Variants in GRID2 observed in about 807,000 individuals in gnomAD.
GRID2 encodes glutamate ionotropic receptor delta type subunit 2.
GRID2 carries 33 observed loss-of-function variants against 114.8 expected under a neutral mutation model. The observed-to-expected ratio is 0.29, with a 90% CI of 0.22 to 0.38. GRID2 has a LOEUF of 0.38. Among genes scored for constraint, GRID2 ranks in the 10% least tolerant of loss-of-function variants. The pLI is 1.00. For synonymous variants in GRID2, 505 were observed against 449.9 expected (o/e 1.12, Z -1.55); for missense variants, 1,184 against 1,257.7 (o/e 0.94, Z 0.89).
intron 2 of GRID2, among the ~76,000 whole-genome samples, chr4:92,835,191 TA>T (rs33949803): frequency 0.81 from 119,680 of 146,870 alleles, 48,764 homozygotes; most frequent in Middle Eastern, 0.92. Context: ...CTGAAAGAGG[TA>T]AAAAAAAAAA....
intron 1 of GRID2, among the ~76,000 whole-genome samples, chr4:92,431,346 C>T (rs969627126): frequency 1.1e-4 from 16 of 152,070 alleles, no homozygotes; most frequent in African/African-American, 3.9e-4. Context: ...ACTTTTTAGG[C>T]ATCTATTGAA....
At chr4:93,582,751 G>A (rs562183318) in intron 13 of GRID2, among the ~76,000 whole-genome samples, 18 of 152,054 alleles carry the variant, frequency 1.2e-4, no homozygotes, top group Non-Finnish European at 2.2e-4. Context: ...AAACGGAATT[G>A]TGAGATTATA....
chr4:92,385,978 T>A (rs1176803606), intron 1 of GRID2, among the ~76,000 whole-genome samples: 2 of 149,732 alleles, frequency 1.3e-5, no homozygotes, highest in Non-Finnish European at 3.0e-5. Context: ...GGAAAAAAAA[T>A]ATGCCCTTTG....
At chr4:93,515,952 G>A (rs988666534) in intron 13 of GRID2, among the ~76,000 whole-genome samples, 1 of 151,964 alleles carries the variant, frequency 6.6e-6, no homozygotes, top group Admixed American at 6.6e-5. Context: ...ATATTAAAAA[G>A]GCATAGAAAG....
chr4:92,818,693 G>A (rs1741070434), intron 2 of GRID2, among the ~76,000 whole-genome samples: 1 of 152,100 alleles, frequency 6.6e-6, no homozygotes, highest in South Asian at 2.1e-4. Flanking sequence ...ACCTCACCCA[G>A]AGCAGCCCCT....
At chr4:92,939,530 A>T (rs1158056905) in intron 2 of GRID2, among the ~76,000 whole-genome samples, 1 of 147,360 alleles carries the variant, frequency 6.8e-6, no homozygotes, top group East Asian at 2.2e-4. Context: ...GTTCACTCTG[A>T]TAGTAGTTTC....
intron 4 of GRID2, among the ~76,000 whole-genome samples, chr4:93,166,651 A>G (rs1409774187): frequency 1.3e-5 from 2 of 152,178 alleles, no homozygotes. Context: ...GAGGAATCCC[A>G]GAAGCCTCAT....
At chr4:93,449,842 T>C (rs1231145376) in intron 10 of GRID2, among the ~76,000 whole-genome samples, 2 of 152,044 alleles carry the variant, frequency 1.3e-5, no homozygotes, top group South Asian at 4.1e-4. Context: ...GGCTCAAACA[T>C]GGTAAAATAA....
chr4:93,550,087 G>T (rs1187851771), intron 13 of GRID2, among the ~76,000 whole-genome samples: 1 of 151,900 alleles, frequency 6.6e-6, no homozygotes, highest in Non-Finnish European at 1.5e-5. Flanking sequence ...GACTCTTTCT[G>T]ATATTTTTAT....
chr4:92,569,930 C>T (rs1422226431), intron 1 of GRID2, among the ~76,000 whole-genome samples: 4 of 151,936 alleles, frequency 2.6e-5, no homozygotes, highest in East Asian at 1.9e-4. Flanking sequence ...TCTGTTGATA[C>T]TTTCTTTTGC....
At chr4:93,147,269 T>C (rs1736353138) in intron 4 of GRID2, among the ~76,000 whole-genome samples, 2 of 152,102 alleles carry the variant, frequency 1.3e-5, no homozygotes, top group African/African-American at 4.8e-5. Flanking sequence ...ATCCTATACT[T>C]CTTATTTGCA....
chr4:92,664,473 A>ATG (rs1732671579), intron 2 of GRID2, among the ~76,000 whole-genome samples: 1 of 151,080 alleles, frequency 6.6e-6, no homozygotes, highest in South Asian at 2.1e-4. Context: ...AAATATATAT[A>ATG]TATTGGGACT....
chr4:93,750,557 C>T (rs1365162119), intron 14 of GRID2, among the ~76,000 whole-genome samples: 1 of 151,750 alleles, frequency 6.6e-6, no homozygotes, highest in Admixed American at 6.6e-5. Flanking sequence ...ATCACAAGGT[C>T]AGGAGATCAA....
At chr4:93,732,536 C>T (rs1421991989) in intron 14 of GRID2, among the ~76,000 whole-genome samples, 1 of 152,028 alleles carries the variant, frequency 6.6e-6, no homozygotes, top group Admixed American at 6.6e-5. Context: ...ATTTCAAAAG[C>T]AAGATTTTTC....
At chr4:92,867,163 T>C (rs1744927535) in intron 2 of GRID2, among the ~76,000 whole-genome samples, 3 of 152,140 alleles carry the variant, frequency 2.0e-5, no homozygotes, top group Admixed American at 6.5e-5. Context: ...AAAATGGTTG[T>C]TAAATTTTTT....
At chr4:93,125,913 A>T (rs918416095) in intron 4 of GRID2, among the ~76,000 whole-genome samples, 3 of 152,184 alleles carry the variant, frequency 2.0e-5, no homozygotes, top group African/African-American at 7.2e-5. Flanking sequence ...ATCCTTTCTC[A>T]TGGAAGATGT....
intron 8 of GRID2, among the ~76,000 whole-genome samples, chr4:93,326,456 C>T (rs978820452): frequency 6.6e-6 from 1 of 152,108 alleles, no homozygotes; most frequent in African/African-American, 2.4e-5. Flanking sequence ...TATAAATTGA[C>T]ACACAGGACC....
chr4:93,366,380 C>T (rs1044619616), intron 8 of GRID2, among the ~76,000 whole-genome samples: 5 of 152,054 alleles, frequency 3.3e-5, no homozygotes, highest in African/African-American at 9.7e-5. Flanking sequence ...AGATAGACTC[C>T]AGTCTCCTAT....
intron 4 of GRID2, among the ~76,000 whole-genome samples, chr4:93,130,219 C>T (rs1313945148): frequency 6.6e-6 from 1 of 152,114 alleles, no homozygotes; most frequent in Non-Finnish European, 1.5e-5. Context: ...GTGGGTGGAT[C>T]ACTTGAGCCC....
Sources: allele counts gnomAD v4.1 joint callset (sites outside exome capture counted in the v4.1 genomes callset), GRCh38; gene constraint gnomAD v4.1.1; transcripts MANE v1.5; gene names NCBI Gene and HGNC (gene_info 2026-07-23, HGNC 2026-07-21).